SORBS2: variants seen among roughly 807,000 people sequenced by gnomAD.
The protein encoded by SORBS2 is sorbin and SH3 domain containing 2.
A neutral mutation model predicts 97.7 loss-of-function variants in SORBS2; 46 were observed. The observed-to-expected ratio is 0.47, with a 90% CI of 0.37 to 0.60. The LOEUF (loss-of-function observed/expected upper bound fraction) is 0.60. SORBS2 is among the 20% of genes least tolerant of loss of function. The probability of loss-of-function intolerance (pLI) is 0.00; values close to 1 mark genes in which losing one functional copy is unlikely to be tolerated. For synonymous variants in SORBS2, 476 were observed against 473.4 expected, an observed-to-expected ratio of 1.01 and a Z score of -0.07; for missense variants, 1,316 against 1,282.3, an observed-to-expected ratio of 1.03 and a Z score of -0.40.
intron 12 of SORBS2, among the ~76,000 whole-genome samples, chr4:185,598,999 C>T (rs1286383238): frequency 6.6e-6 from 1 of 152,156 alleles, no homozygotes; most frequent in African/African-American, 2.4e-5. Context: ...CTCTGGAAGG[C>T]CATTCGGGGG....
At chr4:185,752,498 G>A (rs1474608160) in intron 2 of SORBS2, among the ~76,000 whole-genome samples, 5 of 152,038 alleles carry the variant, frequency 3.3e-5, no homozygotes, top group South Asian at 2.1e-4. Context: ...GGATGGTCTC[G>A]ATCTCCTGAC....
intron 12 of SORBS2, among the ~76,000 whole-genome samples, chr4:185,601,373 G>A (rs2096258143): frequency 6.6e-6 from 1 of 152,132 alleles, no homozygotes; most frequent in African/African-American, 2.4e-5. Context: ...CTGGGACTTG[G>A]CCTTCAAGGG....
chr4:185,884,333 A>G (rs920407293), intron 1 of SORBS2, among the ~76,000 whole-genome samples: 1 of 152,230 alleles, frequency 6.6e-6, no homozygotes, highest in Non-Finnish European at 1.5e-5. Flanking sequence ...ACAAATGTTA[A>G]CATGTATCAG....
chr4:185,877,867 C>CAAAAAAAA lies in SORBS2; in HGVS notation c.-338+78328_-338+78329insTTTTTTTT, dbSNP rs1491116547. Among the ~76,000 whole-genome samples, 101 of 50,404 alleles carry CAAAAAAAA rather than the reference C, an allele frequency of 2.0e-3. 4 individuals are homozygous for CAAAAAAAA. The highest frequency in any genetic ancestry group is 4.8e-3 in the African/African-American group (65 of 13,416). The allele number at this position is 50,404 out of a possible 152,430, so 33.1% of individuals were successfully genotyped here. ...CCTGGGTGACAGAGTGAGACTCTGT[C>CAAAAAAAA]AAAAAACAAAAAAAAAAAAGAAAGA... On this transcript the variant is annotated intron_variant, in intron 1 of 20. Coordinates refer to the SORBS2 transcript ENST00000284776.
intron 4 of SORBS2, among the ~76,000 whole-genome samples, chr4:185,672,436 A>G (rs2097726858): frequency 6.6e-6 from 1 of 152,220 alleles, no homozygotes; most frequent in African/African-American, 2.4e-5. Flanking sequence ...CTGGCTTTCC[A>G]AAGTGTCTGG....
intron 1 of SORBS2, among the ~76,000 whole-genome samples, chr4:185,869,041 G>C (rs1312046768): frequency 6.6e-6 from 1 of 152,186 alleles, no homozygotes; most frequent in African/African-American, 2.4e-5. Context: ...CTTGCCTTTG[G>C]TGGTGAGCAA....
intron 1 of SORBS2, among the ~76,000 whole-genome samples, chr4:185,844,440 A>G (rs2099213366): frequency 6.6e-6 from 1 of 152,208 alleles, no homozygotes; most frequent in East Asian, 1.9e-4. Context: ...GACAATAACA[A>G]CAACAACAGC....
At chr4:185,891,817 C>T (rs1162724734) in intron 1 of SORBS2, among the ~76,000 whole-genome samples, 1 of 152,106 alleles carries the variant, frequency 6.6e-6, no homozygotes, top group African/African-American at 2.4e-5. Flanking sequence ...GCAAGAAGAG[C>T]CCATCAGGTG....
chr4:185,751,736 T>C (rs1236078507), intron 2 of SORBS2, among the ~76,000 whole-genome samples: 1 of 152,124 alleles, frequency 6.6e-6, no homozygotes, highest in Non-Finnish European at 1.5e-5. Context: ...CAAGGAAAGA[T>C]GCCTGACATT....
intron 2 of SORBS2, among the ~76,000 whole-genome samples, chr4:185,735,019 A>G (rs921450087): frequency 2.0e-5 from 3 of 152,238 alleles, no homozygotes; most frequent in Non-Finnish European, 4.4e-5. Flanking sequence ...TTAAGGCTCT[A>G]CACTGTGCAG....
At chr4:185,682,737 GTA>G (rs2097889741) in intron 2 of SORBS2, among the ~76,000 whole-genome samples, 1 of 152,130 alleles carries the variant, frequency 6.6e-6, no homozygotes, top group African/African-American at 2.4e-5. Flanking sequence ...GGGGCCAGGT[GTA>G]GTGGCTCAGG....
At chr4:185,822,035 AT>A (rs1474191870) in intron 1 of SORBS2, among the ~76,000 whole-genome samples, 1 of 152,190 alleles carries the variant, frequency 6.6e-6, no homozygotes, top group Admixed American at 6.5e-5. Context: ...ACACGATGTT[AT>A]TTTTTGAGTC....
At chr4:185,922,081 T>A (rs527963504) in intron 1 of SORBS2, among the ~76,000 whole-genome samples, 1 of 152,342 alleles carries the variant, frequency 6.6e-6, no homozygotes, top group African/African-American at 2.4e-5. Flanking sequence ...CCCTGATTTA[T>A]TTACACTTGC....
intron 2 of SORBS2, among the ~76,000 whole-genome samples, chr4:185,719,847 G>A (rs1425923422): frequency 6.6e-6 from 1 of 152,220 alleles, no homozygotes; most frequent in Non-Finnish European, 1.5e-5. Flanking sequence ...GTGTCCTCTT[G>A]CACCCAGTCC....
chr4:185,838,317 A>G (rs28485788), intron 1 of SORBS2, among the ~76,000 whole-genome samples: 3,391 of 152,104 alleles, frequency 0.022, 129 homozygotes, highest in African/African-American at 0.076. Flanking sequence ...TCATCTCCTC[A>G]CGCTGTGGGT....
chr4:185,741,976 G>A (rs1455962221), intron 2 of SORBS2, among the ~76,000 whole-genome samples: 2 of 152,158 alleles, frequency 1.3e-5, no homozygotes, highest in East Asian at 3.9e-4. Context: ...GTTTGATACA[G>A]CTGCTGGTCC....
At chr4:185,754,465 C>G (rs1177135018) in intron 2 of SORBS2, among the ~76,000 whole-genome samples, 2 of 152,108 alleles carry the variant, frequency 1.3e-5, no homozygotes, top group African/African-American at 4.8e-5. Flanking sequence ...TACCCCTGAA[C>G]TTAAAATAAA....
At chr4:185,921,441 G>C (rs2099260886) in intron 1 of SORBS2, among the ~76,000 whole-genome samples, 1 of 152,126 alleles carries the variant, frequency 6.6e-6, no homozygotes, top group African/African-American at 2.4e-5. Flanking sequence ...CTTTGCAATG[G>C]TGGCGTTAGA....
At chr4:185,654,654 C>G (rs530672223) in intron 1 of SORBS2, among the ~76,000 whole-genome samples, 11 of 152,300 alleles carry the variant, frequency 7.2e-5, no homozygotes, top group African/African-American at 2.4e-4. Flanking sequence ...AAGAAGTACT[C>G]TAAGCATTTA....
Sources: gnomAD v4.1 joint callset for allele counts (sites outside exome capture counted in the v4.1 genomes callset) on GRCh38, gnomAD v4.1.1 for gene constraint, MANE v1.5 for transcripts, NCBI Gene and HGNC (gene_info 2026-07-23, HGNC 2026-07-21) for gene names.